MCPH1: variants seen among roughly 807,000 people sequenced by gnomAD.
MCPH1 encodes the protein microcephalin.
In MCPH1, 104 loss-of-function variants were observed where a neutral mutation model predicts 84.5. The observed-to-expected ratio is 1.23, with a 90% CI of 1.05 to 1.45. The LOEUF is 1.45. Ranked by LOEUF, MCPH1 falls within the 40% of genes most tolerant of loss-of-function variation. The pLI is 0.00. For synonymous variants in MCPH1, 514 were observed against 366.8 expected, an observed-to-expected ratio of 1.40 and a Z score of -4.58; for missense variants, 1,498 against 1,005.7, an observed-to-expected ratio of 1.49 and a Z score of -6.62.
intron 3 of MCPH1, among the ~76,000 whole-genome samples, chr8:6,417,553 A>T (rs1170546126): frequency 6.6e-6 from 1 of 151,744 alleles, no homozygotes; most frequent in East Asian, 1.9e-4. Flanking sequence ...TCTTTTTTCA[A>T]GTTCATTGAC....
intron 12 of MCPH1, chr8:6,521,297 A>T (rs761239406): frequency 6.2e-7 from 1 of 1,613,888 alleles, no homozygotes; most frequent in Non-Finnish European, 8.5e-7. Flanking sequence ...TAGTTCTTCA[A>T]TGATGGAATT....
chr8:6,615,109 C>G (rs1362550148), intron 12 of MCPH1, among the ~76,000 whole-genome samples: 2 of 152,222 alleles, frequency 1.3e-5, no homozygotes, highest in East Asian at 3.9e-4. Context: ...AGCAAGTTAG[C>G]TCTTGCAATT....
At chr8:6,603,649 A>G (rs575763520) in intron 12 of MCPH1, among the ~76,000 whole-genome samples, 1 of 152,346 alleles carries the variant, frequency 6.6e-6, no homozygotes, top group African/African-American at 2.4e-5. Flanking sequence ...TCCTGCTTTC[A>G]GTAAGTTACA....
At chr8:6,446,572 A>G (rs192895440) in intron 8 of MCPH1, 95 of 982,590 alleles carry the variant, frequency 9.7e-5, no homozygotes, top group Admixed American at 4.9e-4. Context: ...ACTGTATTTT[A>G]TGTTCCATTA....
At chr8:6,486,972 T>C (rs1453757445) in intron 11 of MCPH1, among the ~76,000 whole-genome samples, 2 of 152,222 alleles carry the variant, frequency 1.3e-5, no homozygotes, top group Non-Finnish European at 2.9e-5. Flanking sequence ...CTTTTGTGGA[T>C]GCTAACATAC....
At chr8:6,434,821 C>T (rs146462924) in intron 4 of MCPH1, among the ~76,000 whole-genome samples, 47 of 152,270 alleles carry the variant, frequency 3.1e-4, no homozygotes, top group South Asian at 1.5e-3. Context: ...ACGAAGGAAC[C>T]TAGACAGATG....
At chr8:6,612,560 C>T (rs1285832782) in intron 12 of MCPH1, among the ~76,000 whole-genome samples, 1 of 152,250 alleles carries the variant, frequency 6.6e-6, no homozygotes, top group Non-Finnish European at 1.5e-5. Context: ...TCCCTGCAGC[C>T]TCCACCCTGG....
intron 9 of MCPH1, among the ~76,000 whole-genome samples, chr8:6,469,151 G>C (rs1363230465): frequency 6.6e-6 from 1 of 152,172 alleles, no homozygotes; most frequent in Non-Finnish European, 1.5e-5. Context: ...CTGCACTCCA[G>C]CCTGGGCAAG....
At chr8:6,512,281 G>A (rs1200834930) in intron 12 of MCPH1, among the ~76,000 whole-genome samples, 5 of 152,118 alleles carry the variant, frequency 3.3e-5, no homozygotes, top group South Asian at 2.1e-4. Flanking sequence ...ACATTTAGCC[G>A]CTTCTCCGTG....
chr8:6,409,281 G>GT lies in MCPH1; in HGVS notation c.26dup (p.Val10SerfsTer5), dbSNP rs778135376. ...TCATGTTCATATCTTGTTTTCAGAT[G>GT]TAGTGGCCTATGTTGAAGTGTGGTC... On this transcript the variant is annotated frameshift_variant, in exon 2 of 14. Coordinates refer to ENST00000344683, the MANE Select transcript of MCPH1 (RefSeq NM_024596.5). LOFTEE classifies it high-confidence loss of function. 15 of 1,610,772 alleles carry GT rather than the reference G, an allele frequency of 9.3e-6. No homozygotes were observed. The highest frequency in any genetic ancestry group is 1.3e-5 in the Non-Finnish European group (15 of 1,177,044).
chr8:6,437,304 C>T (rs1253691479), intron 5 of MCPH1, among the ~76,000 whole-genome samples: 3 of 152,186 alleles, frequency 2.0e-5, no homozygotes, highest in Middle Eastern at 3.4e-3. Flanking sequence ...GATCTTGGCT[C>T]ACTACAACCT....
rs1817541292 is a variant in MCPH1, at chr8:6,522,455, A to G, written c.2214+22526A>G. Among the ~76,000 whole-genome samples the G allele has an allele frequency of 3.3e-5, 5 of 151,738 alleles. No individual in the cohort carries two copies. The South Asian group carries it at 1.0e-3, about 31-fold the overall frequency. On this transcript the variant is annotated intron_variant, in intron 12 of 13. Transcript: ENST00000344683. ...CGTTAATATAGACATTATTATTCCC[A>G]TTTCCAATGAGGAAATTGAAACTTA...
chr8:6,453,847 G>A (rs962247567), intron 8 of MCPH1, among the ~76,000 whole-genome samples: 1 of 152,164 alleles, frequency 6.6e-6, no homozygotes, highest in Non-Finnish European at 1.5e-5. Context: ...GGATGTGACT[G>A]GTTTGAGTCT....
At chr8:6,514,852 T>C (rs562982208) in intron 12 of MCPH1, 11 of 1,310,836 alleles carry the variant, frequency 8.4e-6, no homozygotes, top group African/African-American at 4.4e-5. Flanking sequence ...GCAGGAGGAA[T>C]GTAGACCCTG....
rs748332432 is a variant in MCPH1, at chr8:6,409,323, A to G, written c.67A>G (p.Asn23Asp). 6.2e-7 allele frequency: 1 copy of G among 1,614,138 alleles called. No individual in the cohort carries two copies. The highest frequency in any genetic ancestry group is 2.2e-5 in the East Asian group (1 of 44,876). Reference sequence around the variant, plus strand: ...AGTGTGGTCATCCAATGGAACAGAAAATTATTCAAAGACATTTACAACACA... The same window carrying G: ...AGTGTGGTCATCCAATGGAACAGAAGATTATTCAAAGACATTTACAACACA... ...VEVWSSNGTE[N>D]YSKTFTTQLV... Residue 23 changes from asparagine to aspartate, a missense_variant, in exon 2 of 14, where the codon AAT (asparagine) becomes GAT (aspartate). Transcript: ENST00000344683.
Position 6,447,185 on chromosome 8 carries a change from A to T in MCPH1, c.1825+1638A>T, listed in dbSNP as rs957053585. 9.1e-6 allele frequency: 9 copies of T among 985,286 alleles called. No homozygotes were observed. The African/African-American group carries it at 1.6e-4, about 17-fold the overall frequency. The allele number at this position is 985,286 out of a possible 1,614,324, so 61.0% of individuals were successfully genotyped here. ...ATCGAACCCTTTTATAGTAATAAAG[A>T]TTCATCAATGTTTTAAACTGTCCAC... On this transcript the variant is annotated intron_variant, in intron 8 of 13. Coordinates refer to ENST00000344683, the MANE Select transcript of MCPH1 (RefSeq NM_024596.5).
At chr8:6,626,461 GTTTT>G (rs1341634158) in intron 13 of MCPH1, 16 of 942,496 alleles carry the variant, frequency 1.7e-5, no homozygotes, top group Middle Eastern at 5.4e-4. Context: ...TTGTTGTTTG[GTTTT>G]TTTGTTTTGT....
intron 8 of MCPH1, among the ~76,000 whole-genome samples, chr8:6,453,480 A>G (rs995658788): frequency 1.3e-5 from 2 of 151,664 alleles, no homozygotes; most frequent in Admixed American, 6.6e-5. Context: ...AAAATGCTTT[A>G]CAGCCTGTTT....
intron 13 of MCPH1, among the ~76,000 whole-genome samples, chr8:6,636,809 A>G (rs942287545): frequency 1.3e-5 from 2 of 152,168 alleles, no homozygotes; most frequent in African/African-American, 2.4e-5. Context: ...CCACCCCCCA[A>G]AAAAAATCTG....
Sources: allele counts gnomAD v4.1 joint callset (sites outside exome capture counted in the v4.1 genomes callset), GRCh38; gene constraint gnomAD v4.1.1; transcripts MANE v1.5; gene names NCBI Gene and HGNC (gene_info 2026-07-23, HGNC 2026-07-21).